The following FARP1 variants were observed in gnomAD, a reference collection of about 807,000 sequenced individuals.
The protein encoded by FARP1 is FERM, ARH/RhoGEF and pleckstrin domain protein 1, also known as FERM, ARHGEF and pleckstrin domain-containing protein 1.
A neutral mutation model predicts 128.8 loss-of-function variants in FARP1; 52 were observed. That is an observed-to-expected ratio of 0.40 (90% CI 0.32 to 0.51). The LOEUF is 0.51. Among genes scored for constraint, FARP1 ranks in the 20% least tolerant of loss-of-function variants. The pLI is 0.45. For missense variants in FARP1, 1,333 were observed against 1,367.9 expected, an observed-to-expected ratio of 0.97 and a Z score of 0.40; for synonymous variants, 580 against 551.8, an observed-to-expected ratio of 1.05 and a Z score of -0.72.
intron 2 of FARP1, among the ~76,000 whole-genome samples, chr13:98,342,592 C>A (rs1254622693): frequency 6.6e-6 from 1 of 151,736 alleles, no homozygotes. Context: ...CCCAGCTACT[C>A]GGGAGGCCGA....
chr13:98,329,752 C>T (rs1485173827), intron 2 of FARP1: 1 of 152,174 alleles, frequency 6.6e-6, no homozygotes, highest in Non-Finnish European at 1.5e-5. Flanking sequence ...ATGGTCTCTC[C>T]ATGGGAATTA....
intron 13 of FARP1, among the ~76,000 whole-genome samples, chr13:98,408,468 A>G (rs56137635): frequency 0.063 from 8,160 of 128,614 alleles, 303 homozygotes; most frequent in Non-Finnish European, 0.1. Context: ...CTGGGATTGC[A>G]GGCACCCGCC....
intron 16 of FARP1, among the ~76,000 whole-genome samples, chr13:98,418,956 G>GCAA (rs1476041208): frequency 6.6e-6 from 1 of 152,198 alleles, no homozygotes; most frequent in East Asian, 1.9e-4. Flanking sequence ...ATAGCTTTGA[G>GCAA]CAACCTAAGA....
At chr13:98,298,675 T>C (rs1176772482) in intron 2 of FARP1, among the ~76,000 whole-genome samples, 3 of 152,192 alleles carry the variant, frequency 2.0e-5, no homozygotes, top group South Asian at 2.1e-4. Flanking sequence ...TCATTAATTC[T>C]TTGGTTATGG....
chr13:98,401,250 T>C (rs1890750209), intron 13 of FARP1: 2 of 152,200 alleles, frequency 1.3e-5, no homozygotes, highest in Admixed American at 1.3e-4. Context: ...TAATTCCATC[T>C]GTTTCTGTTT....
chr13:98,411,338 T>C (rs924696473), intron 15 of FARP1, among the ~76,000 whole-genome samples: 2 of 152,154 alleles, frequency 1.3e-5, no homozygotes, highest in Non-Finnish European at 2.9e-5. Flanking sequence ...CACAAGCCAA[T>C]TGGGAGGGAA....
At chr13:98,220,002 T>C (rs1881321386) in intron 2 of FARP1, among the ~76,000 whole-genome samples, 1 of 152,064 alleles carries the variant, frequency 6.6e-6, no homozygotes, top group South Asian at 2.1e-4. Context: ...TCAGCCATCT[T>C]AGGGAATGTG....
At chr13:98,342,025 T>C (rs1887995064) in intron 2 of FARP1, among the ~76,000 whole-genome samples, 1 of 152,200 alleles carries the variant, frequency 6.6e-6, no homozygotes, top group Admixed American at 6.5e-5. Flanking sequence ...TGGATAACTT[T>C]TATTGATTTG....
intron 2 of FARP1, among the ~76,000 whole-genome samples, chr13:98,295,311 G>A (rs1885637803): frequency 6.6e-6 from 1 of 152,080 alleles, no homozygotes; most frequent in Admixed American, 6.6e-5. Context: ...AGGAGTCATG[G>A]CAGCAGAGGG....
chr13:98,334,359 G>A (rs951284319), intron 2 of FARP1: 1 of 152,196 alleles, frequency 6.6e-6, no homozygotes, highest in African/African-American at 2.4e-5. Flanking sequence ...GTAACACCCT[G>A]TTCTGGCTTC....
intron 1 of FARP1, among the ~76,000 whole-genome samples, chr13:98,211,261 G>A (rs1174672791): frequency 6.6e-6 from 1 of 152,208 alleles, no homozygotes; most frequent in Non-Finnish European, 1.5e-5. Context: ...GTGAGCGGCA[G>A]GCGAGCATCA....
At chr13:98,396,401 C>G (rs1456341413) in intron 13 of FARP1, 1 of 399,226 alleles carries the variant, frequency 2.5e-6, no homozygotes, top group Non-Finnish European at 4.4e-6. Context: ...CGTTCCCCGT[C>G]CCTGCTGAGA....
chr13:98,360,206 C>T (rs1381827663), intron 3 of FARP1, among the ~76,000 whole-genome samples: 2 of 151,514 alleles, frequency 1.3e-5, no homozygotes, highest in Non-Finnish European at 2.9e-5. Context: ...AGCAATTCTC[C>T]TGCCTCAGCC....
chr13:98,339,931 A>G (rs1887895488), intron 2 of FARP1, among the ~76,000 whole-genome samples: 1 of 152,108 alleles, frequency 6.6e-6, no homozygotes, highest in African/African-American at 2.4e-5. Flanking sequence ...CTAGGACTCA[A>G]CACGCCCTCA....
intron 2 of FARP1, among the ~76,000 whole-genome samples, chr13:98,309,531 G>GCT (rs1331997805): frequency 1.3e-5 from 2 of 152,090 alleles, no homozygotes; most frequent in Non-Finnish European, 2.9e-5. Context: ...TATATTTGTA[G>GCT]CTCATATTCT....
intron 1 of FARP1, among the ~76,000 whole-genome samples, chr13:98,162,874 G>C (rs1418000832): frequency 2.0e-5 from 3 of 152,190 alleles, no homozygotes; most frequent in South Asian, 2.1e-4. Flanking sequence ...CTGTTCGTGA[G>C]AGTGTAAATT....
At chr13:98,225,856 T>G (rs1881730475) in intron 2 of FARP1, among the ~76,000 whole-genome samples, 1 of 152,198 alleles carries the variant, frequency 6.6e-6, no homozygotes, top group Non-Finnish European at 1.5e-5. Flanking sequence ...CTCTGGTTAT[T>G]GTTTAGTGGC....
rs1893141876 is a variant in FARP1 at position 98,450,603 on chromosome 13, T to A, written c.*2286T>A. On this transcript the variant is annotated 3_prime_UTR_variant, in exon 27 of 27. Transcript: ENST00000319562. ...AGCCACCCAGTCCACGGCCCTCGTC[T>A]CCCAGAGGCTGAGTACCTCCCCAGG... 6.6e-6 allele frequency: 1 copy of A among 152,254 alleles called. No individual in the cohort carries two copies. Among genetic ancestry groups the A allele is most frequent in the Non-Finnish European group, 1.5e-5 (1 of 68,138 alleles). The allele number at this position is 152,254 out of a possible 1,614,324, so 9.4% of individuals were successfully genotyped here. A position where few individuals can be genotyped will look rare whatever the true frequency, so the allele number is the denominator to read the frequency against.
At chr13:98,244,386 C>T in intron 2 of FARP1, 1 of 953,960 alleles carries the variant, frequency 1.0e-6, no homozygotes. Flanking sequence ...ACATATCCAT[C>T]ACTTCCAAAA....
Sources: allele counts gnomAD v4.1 joint callset (sites outside exome capture counted in the v4.1 genomes callset), GRCh38; gene constraint gnomAD v4.1.1; transcripts MANE v1.5; gene names NCBI Gene and HGNC (gene_info 2026-07-23, HGNC 2026-07-21).